The following CENPW variants were observed in gnomAD, a reference collection of about 807,000 sequenced individuals.
CENPW encodes centromere protein W, also known as cancer-up-regulated gene 2 protein.
CENPW carries 3 observed loss-of-function variants against 11.1 expected under a neutral mutation model. The observed-to-expected ratio is 0.27, with a 90% CI of 0.12 to 0.70. The LOEUF is 0.70. Ranked by LOEUF, CENPW falls within the 30% of genes least tolerant of loss-of-function variation. CENPW has a pLI of 0.77. For synonymous variants in CENPW, 38 were observed against 42.0 expected (o/e 0.91, Z 0.37); for missense variants, 100 against 105.6 (o/e 0.95, Z 0.23).
chr6:126,449,370 C>T, the CENPW span, among the ~76,000 whole-genome samples: 1 of 150,994 alleles, frequency 6.6e-6, no homozygotes, highest in East Asian at 1.9e-4. Flanking sequence ...ATTTGAAATT[C>T]CCACAGTGCC....
the CENPW span, among the ~76,000 whole-genome samples, chr6:126,406,012 G>C: frequency 1.3e-5 from 2 of 152,064 alleles, no homozygotes; most frequent in African/African-American, 4.8e-5. Flanking sequence ...TGGTGAAAGT[G>C]AGCATCCTTG....
At chr6:126,372,655 C>A in the CENPW span, among the ~76,000 whole-genome samples, 1 of 152,032 alleles carries the variant, frequency 6.6e-6, no homozygotes, top group Non-Finnish European at 1.5e-5. Context: ...CTGAAATATT[C>A]CTGAAGGTTT....
At chr6:126,403,850 A>G in the CENPW span, among the ~76,000 whole-genome samples, 4 of 152,274 alleles carry the variant, frequency 2.6e-5, no homozygotes, top group East Asian at 7.7e-4. Context: ...TAGATGAAAT[A>G]GATTCACATT....
At chr6:126,434,496 T>G in the CENPW span, among the ~76,000 whole-genome samples, 69,159 of 151,802 alleles carry the variant, frequency 0.46, 17,429 homozygotes, top group East Asian at 0.97. Flanking sequence ...TGTCTGCAAT[T>G]TTTCAGCTTT....
chr6:126,409,782 C>G, the CENPW span, among the ~76,000 whole-genome samples: 1 of 151,788 alleles, frequency 6.6e-6, no homozygotes, highest in Admixed American at 6.6e-5. Context: ...CGATTTTTCA[C>G]TTTCAATCTA....
At chr6:126,425,192 A>G in the CENPW span, among the ~76,000 whole-genome samples, 1 of 152,134 alleles carries the variant, frequency 6.6e-6, no homozygotes, top group African/African-American at 2.4e-5. Context: ...TTGGAGAAGA[A>G]GAGAGCTGTT....
the CENPW span, among the ~76,000 whole-genome samples, chr6:126,408,452 G>A: frequency 6.6e-6 from 1 of 152,152 alleles, no homozygotes; most frequent in Middle Eastern, 3.4e-3. Flanking sequence ...AACAGCATGG[G>A]GAAGACCTGC....
At chr6:126,419,644 C>T in the CENPW span, among the ~76,000 whole-genome samples, 17 of 150,416 alleles carry the variant, frequency 1.1e-4, no homozygotes, top group African/African-American at 3.4e-4. Context: ...ACCAGAAGTC[C>T]GAAATTGGTT....
the CENPW span, among the ~76,000 whole-genome samples, chr6:126,411,901 TTCCTTCCTCCCTCC>T: frequency 6.8e-6 from 1 of 147,798 alleles, no homozygotes; most frequent in Non-Finnish European, 1.5e-5. Flanking sequence ...CCTTCCTTCC[TTCCTTCCTCCCTCC>T]CCCTCCCTCC....
the CENPW span, among the ~76,000 whole-genome samples, chr6:126,365,901 A>G: frequency 6.6e-6 from 1 of 152,166 alleles, no homozygotes; most frequent in African/African-American, 2.4e-5. Flanking sequence ...AAACAACTTA[A>G]TTGTGAAGTC....
chr6:126,437,645 G>T, the CENPW span, among the ~76,000 whole-genome samples: 65,455 of 151,690 alleles, frequency 0.43, 16,459 homozygotes, highest in East Asian at 0.97. Flanking sequence ...ATGTTTCCAA[G>T]AATCAAAAAA....
the CENPW span, among the ~76,000 whole-genome samples, chr6:126,447,675 T>A: frequency 6.6e-6 from 1 of 151,224 alleles, no homozygotes; most frequent in African/African-American, 2.4e-5. Flanking sequence ...GACTGCTTTA[T>A]ACTTTATGTT....
chr6:126,366,853 AG>A, the CENPW span, among the ~76,000 whole-genome samples: 1,135 of 152,286 alleles, frequency 7.5e-3, 6 homozygotes, highest in Non-Finnish European at 0.011. Flanking sequence ...CATCTAGGGA[AG>A]GTCTTCTTGC....
the CENPW span, among the ~76,000 whole-genome samples, chr6:126,370,593 T>G: frequency 6.6e-6 from 1 of 152,180 alleles, no homozygotes; most frequent in Admixed American, 6.5e-5. Flanking sequence ...GCAGAGCTAC[T>G]GATTTGTGTA....
chr6:126,376,793 A>G, the CENPW span, among the ~76,000 whole-genome samples: 1 of 152,172 alleles, frequency 6.6e-6, no homozygotes, highest in Non-Finnish European at 1.5e-5. Context: ...AGTGTTCCAT[A>G]TGGTGAATAA....
chr6:126,380,060 A>G, the CENPW span, among the ~76,000 whole-genome samples: 5 of 152,100 alleles, frequency 3.3e-5, no homozygotes, highest in Non-Finnish European at 7.4e-5. Context: ...TGTGCCACCA[A>G]CCCCTAAAGT....
chr6:126,454,465 A>G, the CENPW span, among the ~76,000 whole-genome samples: 4 of 151,426 alleles, frequency 2.6e-5, no homozygotes, highest in African/African-American at 9.7e-5. Context: ...CTGCTTCTGA[A>G]TGACTTTTGA....
rs1780272753 is a variant in CENPW, at chr6:126,340,211, G to A, written c.-63G>A. The A allele has an allele frequency of 6.6e-7, 1 of 1,516,976 alleles. No individual in the cohort carries two copies. The highest frequency in any genetic ancestry group is 1.1e-5 in the South Asian group (1 of 87,384). The allele number at this position is 1,516,976 out of a possible 1,614,324, so 94.0% of individuals were successfully genotyped here. A position where few individuals can be genotyped will look rare whatever the true frequency, so the allele number is the denominator to read the frequency against. ...TTGTTTTCGCTGGCCCAGTGTCCCC[G>A]GAGCTTGTGTGCGATACAGAGAGCA... On this transcript the variant is annotated 5_prime_UTR_variant, in exon 1 of 3. Transcript: ENST00000368328.
At chr6:126,403,795 A>T in the CENPW span, among the ~76,000 whole-genome samples, 8 of 152,140 alleles carry the variant, frequency 5.3e-5, no homozygotes, top group African/African-American at 1.9e-4. Context: ...AATCTAGCCA[A>T]GATAAGTGAT....
Sources: gnomAD v4.1 joint callset for allele counts (sites outside exome capture counted in the v4.1 genomes callset) on GRCh38, gnomAD v4.1.1 for gene constraint, MANE v1.5 for transcripts, NCBI Gene and HGNC (gene_info 2026-07-23, HGNC 2026-07-21) for gene names.